Variants in WFDC9 observed in about 807,000 individuals in gnomAD.
The protein encoded by WFDC9 is WAP four-disulfide core domain 9.
WFDC9 carries 9 observed loss-of-function variants against 9.5 expected under a neutral mutation model. That is an observed-to-expected ratio of 0.95 (90% confidence interval 0.57 to 1.65). WFDC9 has a LOEUF of 1.65. Ranked by LOEUF, WFDC9 falls within the 40% of genes most tolerant of loss-of-function variation. WFDC9 has a pLI of 0.00. For synonymous variants in WFDC9, 33 were observed against 32.3 expected, an observed-to-expected ratio of 1.02 and a Z score of -0.07; for missense variants, 87 against 106.7, an observed-to-expected ratio of 0.82 and a Z score of 0.81.
In WFDC9 at chr20:45,612,402, C is replaced by T. The variant is rs145800589; in HGVS notation, c.-58-2163G>A. ...CTGGGTATTGGAATATAGTGGTGAA[C>T]AAAACAGACAAAAATCCTCCCATTT... On this transcript the variant is annotated intron_variant, in intron 2 of 4. Coordinates refer to ENST00000326000, the MANE Select transcript of WFDC9 (RefSeq NM_147198.4). Among the ~76,000 whole-genome samples the T allele has an allele frequency of 4.0e-3, 607 of 151,538 alleles. 4 individuals are homozygous for T. The highest frequency in any genetic ancestry group is 0.014 in the African/African-American group (563 of 41,298).
intron 2 of WFDC9, among the ~76,000 whole-genome samples, chr20:45,611,293 GA>G (rs1255222686): frequency 6.6e-6 from 1 of 152,154 alleles, no homozygotes; most frequent in Non-Finnish European, 1.5e-5. Context: ...GGGGTGGTGG[GA>G]GGCGGGGGAG....
At chr20:45,627,662 G>A (rs1391934357) in intron 1 of WFDC9, among the ~76,000 whole-genome samples, 1 of 152,188 alleles carries the variant, frequency 6.6e-6, no homozygotes. Context: ...AAAGGCTAGA[G>A]AGCTTCCATG....
chr20:45,616,719 G>T, intron 1 of WFDC9, among the ~76,000 whole-genome samples: 1 of 152,244 alleles, frequency 6.6e-6, no homozygotes, highest in East Asian at 1.9e-4. Flanking sequence ...TGAAAACATT[G>T]ATCTCTTCAT....
At chr20:45,628,527 T>C (rs967878521) in intron 1 of WFDC9, among the ~76,000 whole-genome samples, 5 of 152,190 alleles carry the variant, frequency 3.3e-5, no homozygotes, top group Non-Finnish European at 5.9e-5. Flanking sequence ...AGGATAGTTA[T>C]GACAGTGTCC....
intron 1 of WFDC9, 194 bp downstream of exon 1, chr20:45,631,009 C>A (rs758448811): frequency 3.1e-6 from 5 of 1,599,622 alleles, no homozygotes; most frequent in Non-Finnish European, 4.3e-6. Flanking sequence ...TTTGCATGAG[C>A]ATCCTGTGAG....
chr20:45,629,376 A>G (rs1177010563), intron 1 of WFDC9: 2 of 153,436 alleles, frequency 1.3e-5, no homozygotes, highest in African/African-American at 4.8e-5. Flanking sequence ...AAAAATAGAT[A>G]ACAAAAGTTG....
At chr20:45,627,135 A>AT (rs1306712668) in intron 1 of WFDC9, among the ~76,000 whole-genome samples, 2 of 152,184 alleles carry the variant, frequency 1.3e-5, no homozygotes, top group Non-Finnish European at 2.9e-5. Flanking sequence ...ATTTGTGTAC[A>AT]TTGAGCCATT....
chr20:45,621,366 A>G (rs143587526), intron 1 of WFDC9, among the ~76,000 whole-genome samples: 1 of 152,200 alleles, frequency 6.6e-6, no homozygotes, highest in East Asian at 1.9e-4. Context: ...CTTAATCCCT[A>G]AATTTTTAGA....
At chr20:45,619,961 G>C (rs1982058947) in intron 1 of WFDC9, among the ~76,000 whole-genome samples, 4 of 152,102 alleles carry the variant, frequency 2.6e-5, no homozygotes, top group Admixed American at 2.6e-4. Context: ...AGGAGGCGGA[G>C]GTTGCAGTGA....
At chr20:45,617,494 CT>C (rs1422273071) in intron 1 of WFDC9, among the ~76,000 whole-genome samples, 1 of 152,118 alleles carries the variant, frequency 6.6e-6, no homozygotes, top group Admixed American at 6.6e-5. Flanking sequence ...TAACTTTTGA[CT>C]TCTCAAAAAC....
chr20:45,608,250 T>TTTAG, intron 4 of WFDC9, 110 bp from the exon 5 acceptor site: 1 of 1,278,732 alleles, frequency 7.8e-7, no homozygotes, highest in Non-Finnish European at 1.1e-6. Flanking sequence ...TTCTGCTAAA[T>TTTAG]CAGAAGTTAC....
intron 1 of WFDC9, among the ~76,000 whole-genome samples, chr20:45,621,440 T>C (rs777095837): frequency 1.8e-4 from 27 of 152,242 alleles, no homozygotes; most frequent in Non-Finnish European, 3.4e-4. Context: ...AGGCCTGCAG[T>C]TGCTATCTTT....
Position 45,608,029 on chromosome 20 carries a change from G to T in WFDC9, c.*81C>A. The T allele has an allele frequency of 6.6e-7, 1 of 1,508,696 alleles. No individual in the cohort carries two copies. The highest frequency in any genetic ancestry group is 9.2e-7 in the Non-Finnish European group (1 of 1,088,990). The allele number at this position is 1,508,696 out of a possible 1,614,324, so 93.5% of individuals were successfully genotyped here. A position where few individuals can be genotyped will look rare whatever the true frequency, so the allele number is the denominator to read the frequency against. Reference sequence around the variant, plus strand: ...AGGTTACCAGCTAGAGCCAGTGGGTGTCCCAAGAAGGAAGTAGGCAGCACT... The same window carrying T: ...AGGTTACCAGCTAGAGCCAGTGGGTTTCCCAAGAAGGAAGTAGGCAGCACT... On this transcript the variant is annotated 3_prime_UTR_variant, in exon 5 of 5. Transcript: ENST00000326000.
chr20:45,625,092 G>C (rs1982187316), intron 1 of WFDC9, among the ~76,000 whole-genome samples: 1 of 152,184 alleles, frequency 6.6e-6, no homozygotes, highest in Non-Finnish European at 1.5e-5. Context: ...TTTACTCACA[G>C]TTCCACATGG....
At position 45,608,030 on chromosome 20, in the gene WFDC9, TC is replaced by T. The variant is rs1439974385; in HGVS notation, c.*79del. On this transcript the variant is annotated 3_prime_UTR_variant, in exon 5 of 5. Transcript: ENST00000326000. ...GGTTACCAGCTAGAGCCAGTGGGTG[TC>T]CCAAGAAGGAAGTAGGCAGCACTCT... is the stretch of plus-strand genomic sequence containing the variant. The T allele has an allele frequency of 5.3e-6, 8 of 1,511,838 alleles. No individual in the cohort carries two copies. The Admixed American group carries it at 8.7e-5, about 16-fold the overall frequency. The allele number at this position is 1,511,838 out of a possible 1,614,324, so 93.7% of individuals were successfully genotyped here.
chr20:45,608,609 G>A (rs1981780009), intron 4 of WFDC9, 54 bp downstream of exon 4: 2 of 1,565,740 alleles, frequency 1.3e-6, no homozygotes. Flanking sequence ...TAGTCGGTAA[G>A]GACCAGTGAT....
intron 1 of WFDC9, among the ~76,000 whole-genome samples, chr20:45,626,121 C>T (rs1245523582): frequency 6.6e-6 from 1 of 151,326 alleles, no homozygotes; most frequent in African/African-American, 2.4e-5. Context: ...TGCACCTGGC[C>T]CTAAGTTCTC....
chr20:45,611,054 A>C (rs1981849849), intron 2 of WFDC9, among the ~76,000 whole-genome samples: 2 of 152,238 alleles, frequency 1.3e-5, no homozygotes, highest in African/African-American at 4.8e-5. Context: ...TAATTTGTGA[A>C]GTATCTGAAC....
chr20:45,611,697 G>T (rs1449719707), intron 2 of WFDC9, among the ~76,000 whole-genome samples: 1 of 152,054 alleles, frequency 6.6e-6, no homozygotes, highest in African/African-American at 2.4e-5. Flanking sequence ...TACATATATT[G>T]TTATTTTTAT....
Sources: allele counts gnomAD v4.1 joint callset (sites outside exome capture counted in the v4.1 genomes callset), GRCh38; gene constraint gnomAD v4.1.1; transcripts MANE v1.5; gene names NCBI Gene and HGNC (gene_info 2026-07-23, HGNC 2026-07-21).